The following AHI1 variants were observed in gnomAD, a reference collection of about 807,000 sequenced individuals.
AHI1 encodes jouberin.
In AHI1, 123 loss-of-function variants were observed where a neutral mutation model predicts 149.3. The observed-to-expected ratio is 0.82, with a 90% CI of 0.71 to 0.96. The LOEUF (loss-of-function observed/expected upper bound fraction) is 0.96. AHI1 is among the 40% of genes least tolerant of loss of function. The pLI is 0.00. For synonymous variants in AHI1, 475 were observed against 459.8 expected, an observed-to-expected ratio of 1.03 and a Z score of -0.42; for missense variants, 1,439 against 1,422.7, an observed-to-expected ratio of 1.01 and a Z score of -0.18.
At chr6:135,376,751 G>A (rs745794999) in intron 23 of AHI1, among the ~76,000 whole-genome samples, 5 of 151,352 alleles carry the variant, frequency 3.3e-5, no homozygotes, top group African/African-American at 7.3e-5. Context: ...GCTTGGTGAC[G>A]CATGCCTGTA....
intron 5 of AHI1, among the ~76,000 whole-genome samples, chr6:135,478,061 A>G (rs1583443171): frequency 6.6e-6 from 1 of 152,150 alleles, no homozygotes; most frequent in Non-Finnish European, 1.5e-5. Context: ...TTGGCCTCCC[A>G]AAGTGCTGGG....
At chr6:135,484,830 G>A (rs563127707) in intron 5 of AHI1, among the ~76,000 whole-genome samples, 2 of 151,052 alleles carry the variant, frequency 1.3e-5, no homozygotes, top group African/African-American at 4.9e-5. Context: ...CTGTGTGCAG[G>A]CAGAAAATGC....
chr6:135,405,864 A>AAAAAAAAAAAAG (rs1562688613), intron 21 of AHI1, among the ~76,000 whole-genome samples: 5 of 151,200 alleles, frequency 3.3e-5, no homozygotes, highest in African/African-American at 1.2e-4. Flanking sequence ...CAACTCAAAA[A>AAAAAAAAAAAAG]AAAAAAAAAA....
At chr6:135,426,750 G>A (rs113401547) in intron 20 of AHI1, among the ~76,000 whole-genome samples, 12 of 151,390 alleles carry the variant, frequency 7.9e-5, no homozygotes, top group Non-Finnish European at 1.5e-4. Context: ...GTGTAATTGC[G>A]GACACGAAAG....
chr6:135,286,580 C>A (rs1781714238), intron 28 of AHI1: 1 of 152,204 alleles, frequency 6.6e-6, no homozygotes, highest in Non-Finnish European at 1.5e-5. Context: ...GCTAACCATT[C>A]CTGAAGGGCT....
At chr6:135,497,019 G>C (rs1796057436) in intron 2 of AHI1, among the ~76,000 whole-genome samples, 169 bp downstream of exon 2, 1 of 152,188 alleles carries the variant, frequency 6.6e-6, no homozygotes, top group African/African-American at 2.4e-5. Context: ...TTTCTCAAAA[G>C]AAAGGGGAAA....
intron 24 of AHI1, among the ~76,000 whole-genome samples, chr6:135,357,189 G>A (rs1009652881): frequency 2.0e-5 from 3 of 152,142 alleles, no homozygotes; most frequent in Admixed American, 6.5e-5. Flanking sequence ...TGCCCGCCTT[G>A]GCCTCCCAAA....
At chr6:135,447,784 T>C (rs1426664039) in intron 12 of AHI1, among the ~76,000 whole-genome samples, 1 of 152,178 alleles carries the variant, frequency 6.6e-6, no homozygotes, top group African/African-American at 2.4e-5. Flanking sequence ...TTGAATAATA[T>C]TGTGAAAAAT....
Position 135,463,184 on chromosome 6 carries a change from T to C in AHI1, c.872A>G (p.Asp291Gly), listed in dbSNP as rs760645720. ...AGGTTTTGTATCATCTTGCATGCTG[T>C]CTTCTGTGCTTTGTTCCATTGAGCT... ...EISSMEQSTE[D>G]SMQDDTKPKP... Residue 291 changes from aspartate (D) to glycine (G), a missense_variant, in exon 8 of 29, where the codon GAC becomes GGC. Transcript: ENST00000265602. 14 of 1,608,514 alleles carry C rather than the reference T, an allele frequency of 8.7e-6. No homozygotes were observed. Among genetic ancestry groups the C allele is most frequent in the Non-Finnish European group, 1.1e-5 (13 of 1,178,770 alleles).
chr6:135,453,926 G>A (rs781455210), intron 10 of AHI1, among the ~76,000 whole-genome samples: 1 of 151,956 alleles, frequency 6.6e-6, no homozygotes, highest in East Asian at 1.9e-4. Flanking sequence ...GGACATTAAA[G>A]CTCATGGATT....
At chr6:135,370,643 C>T (rs1455790886) in intron 23 of AHI1, among the ~76,000 whole-genome samples, 2 of 152,132 alleles carry the variant, frequency 1.3e-5, no homozygotes, top group Non-Finnish European at 2.9e-5. Flanking sequence ...TTTCTCTTTG[C>T]AATTTATTTT....
chr6:135,293,618 C>T (rs902727349), intron 27 of AHI1, among the ~76,000 whole-genome samples: 7 of 151,744 alleles, frequency 4.6e-5, no homozygotes, highest in African/African-American at 1.7e-4. Flanking sequence ...AAACTAGCGA[C>T]AATACCATTT....
At chr6:135,346,314 C>T (rs1461650965) in intron 24 of AHI1, among the ~76,000 whole-genome samples, 2 of 152,180 alleles carry the variant, frequency 1.3e-5, no homozygotes, top group African/African-American at 4.8e-5. Flanking sequence ...CCTGCCTCAC[C>T]CTCCCGAGTA....
At chr6:135,287,497 C>T (rs1487446565) in intron 28 of AHI1, among the ~76,000 whole-genome samples, 1 of 152,166 alleles carries the variant, frequency 6.6e-6, no homozygotes, top group Non-Finnish European at 1.5e-5. Context: ...GAGTGGCACA[C>T]TGGCTTGATG....
At chr6:135,364,577 G>A (rs1248364930) in intron 23 of AHI1, among the ~76,000 whole-genome samples, 1 of 150,498 alleles carries the variant, frequency 6.6e-6, no homozygotes, top group African/African-American at 2.5e-5. Context: ...CCGAGATCAC[G>A]CCACTGCACT....
intron 21 of AHI1, 147 bp from the exon 22 acceptor site, chr6:135,405,124 T>C: frequency 1.5e-6 from 1 of 658,918 alleles, no homozygotes; most frequent in Non-Finnish European, 2.5e-6. Flanking sequence ...TCACTCTGCA[T>C]TGTTTCCAAT....
At chr6:135,328,065 G>A (rs1007795097) in intron 24 of AHI1, among the ~76,000 whole-genome samples, 1 of 152,178 alleles carries the variant, frequency 6.6e-6, no homozygotes, top group Non-Finnish European at 1.5e-5. Flanking sequence ...AAAAGTTCTG[G>A]AAGCCTGTAC....
intron 23 of AHI1, among the ~76,000 whole-genome samples, chr6:135,378,312 C>A (rs1177219790): frequency 1.3e-5 from 2 of 152,166 alleles, no homozygotes; most frequent in East Asian, 3.8e-4. Flanking sequence ...ATAAAGTTAG[C>A]AGATTTAATA....
intron 8 of AHI1, among the ~76,000 whole-genome samples, chr6:135,458,449 G>C (rs1207326150): frequency 6.6e-6 from 1 of 152,198 alleles, no homozygotes; most frequent in Non-Finnish European, 1.5e-5. Context: ...AGAAGCTAGA[G>C]AGGTAGTGAA....
Sources: gnomAD v4.1 joint callset for allele counts (sites outside exome capture counted in the v4.1 genomes callset) on GRCh38, gnomAD v4.1.1 for gene constraint, MANE v1.5 for transcripts, NCBI Gene and HGNC (gene_info 2026-07-23, HGNC 2026-07-21) for gene names.